Variants in SH3RF3 observed in about 807,000 individuals in gnomAD.
SH3RF3 encodes the protein E3 ubiquitin-protein ligase SH3RF3.
A neutral mutation model predicts 66.3 loss-of-function variants in SH3RF3; 29 were observed. The ratio of observed to expected loss-of-function variants is 0.44; its 90% CI spans 0.33 to 0.60. The LOEUF (loss-of-function observed/expected upper bound fraction) is 0.60, where lower values mean the gene tolerates loss of function less well. SH3RF3 is among the 20% of genes least tolerant of loss of function. The pLI is 0.04. For synonymous variants in SH3RF3, 583 were observed against 532.0 expected, an observed-to-expected ratio of 1.10 and a Z score of -1.32; for missense variants, 1,194 against 1,190.9, an observed-to-expected ratio of 1.00 and a Z score of -0.04.
At chr2:109,301,995 C>T (rs1289879483) in intron 1 of SH3RF3, among the ~76,000 whole-genome samples, 2 of 152,204 alleles carry the variant, frequency 1.3e-5, no homozygotes, top group Admixed American at 6.5e-5. Flanking sequence ...TCAGCATCTT[C>T]GTTGTGTGAC....
chr2:109,245,968 C>G (rs1348673154), intron 1 of SH3RF3, among the ~76,000 whole-genome samples: 1 of 152,194 alleles, frequency 6.6e-6, no homozygotes, highest in African/African-American at 2.4e-5. Context: ...ATGAAAGTCT[C>G]TAAGCTGGCT....
intron 5 of SH3RF3, among the ~76,000 whole-genome samples, chr2:109,423,272 G>A (rs1479596594): frequency 3.3e-5 from 5 of 152,150 alleles, no homozygotes; most frequent in Non-Finnish European, 7.4e-5. Flanking sequence ...CTGCTGAGGT[G>A]CAGACCAGGG....
At chr2:109,249,577 T>G (rs1558981645) in intron 1 of SH3RF3, among the ~76,000 whole-genome samples, 4 of 132,938 alleles carry the variant, frequency 3.0e-5, no homozygotes, top group African/African-American at 9.1e-5. Flanking sequence ...CCTTCCTTCC[T>G]TCCTTCCTTT....
rs79803272 is a variant in SH3RF3, at chr2:109,450,982, C to T, written c.2148+1493C>T. Among the ~76,000 whole-genome samples, 534 of 152,370 alleles carry T rather than the reference C, an allele frequency of 3.5e-3. 19 individuals are homozygous for T. In the East Asian group the frequency reaches 0.061, roughly 17 times the overall value. ...GACATTGCCAAACCCAGCGCTGACT[C>T]GGCGGGCTCTCTGCCCATCACCCTG... On this transcript the variant is annotated intron_variant, in intron 8 of 9. Transcript: ENST00000309415.
In SH3RF3 at chr2:109,129,943, C is replaced by T. The variant is rs772556146; in HGVS notation, c.403C>T (p.Pro135Ser). 1 of 1,472,744 alleles carries T rather than the reference C, an allele frequency of 6.8e-7. No homozygotes were observed. Among genetic ancestry groups the T allele is most frequent in the South Asian group, 1.3e-5 (1 of 75,418 alleles). 91.2% of individuals were successfully genotyped at this position (1,472,744 alleles called of 1,614,324 possible). The change falls in exon 1 of 10, where the codon CCG becomes TCG. Residue 135 changes from proline (P) to serine (S), a missense_variant. Pro to Ser is a moderately conservative substitution (Grantham distance 74). Coordinates refer to ENST00000309415, the MANE Select transcript of SH3RF3 (RefSeq NM_001099289.3). Reference sequence around the variant, plus strand: ...CGCGGGCACCAGCCCCGGCGGCAGCCCGCCCGCGCGTCCCATCCCAGGCCA... The same window carrying T: ...CGCGGGCACCAGCCCCGGCGGCAGCTCGCCCGCGCGTCCCATCCCAGGCCA... ...PRAGTSPGGSPPARPIPGQSA... is the reference protein window; with the variant it reads ...PRAGTSPGGSSPARPIPGQSA...
intron 1 of SH3RF3, among the ~76,000 whole-genome samples, chr2:109,180,726 C>G (rs1244925750): frequency 6.6e-6 from 1 of 152,186 alleles, no homozygotes; most frequent in Non-Finnish European, 1.5e-5. Context: ...CATTGTGAGG[C>G]TTCCCCAGCC....
At chr2:109,376,660 C>T (rs1330605612) in intron 3 of SH3RF3, among the ~76,000 whole-genome samples, 3 of 152,154 alleles carry the variant, frequency 2.0e-5, no homozygotes, top group Non-Finnish European at 2.9e-5. Flanking sequence ...TGAAAAAGAC[C>T]CCCCAGAGAT....
intron 8 of SH3RF3, among the ~76,000 whole-genome samples, chr2:109,480,148 A>G (rs185723426): frequency 2.3e-4 from 35 of 152,306 alleles, no homozygotes; most frequent in Non-Finnish European, 4.0e-4. Flanking sequence ...TTGCATATCA[A>G]CCACATTAAG....
chr2:109,138,766 CT>C (rs895988353), intron 1 of SH3RF3, among the ~76,000 whole-genome samples: 30 of 152,236 alleles, frequency 2.0e-4, no homozygotes, highest in African/African-American at 7.0e-4. Flanking sequence ...TGTGTGAGTG[CT>C]GCTCTTGAAG....
chr2:109,188,385 G>A (rs1173810896), intron 1 of SH3RF3, among the ~76,000 whole-genome samples: 1 of 152,200 alleles, frequency 6.6e-6, no homozygotes, highest in Non-Finnish European at 1.5e-5. Context: ...GGGTTGCATG[G>A]GAGGCTGCTG....
intron 6 of SH3RF3, among the ~76,000 whole-genome samples, chr2:109,433,834 C>G (rs13387368): frequency 0.061 from 9,364 of 152,274 alleles, 941 homozygotes; most frequent in African/African-American, 0.21. Context: ...AGGTGATGCT[C>G]AGCAGGGAAA....
chr2:109,447,181 AAAAAG>A (rs1233226361), intron 7 of SH3RF3, among the ~76,000 whole-genome samples: 4 of 151,430 alleles, frequency 2.6e-5, no homozygotes, highest in Non-Finnish European at 5.9e-5. Context: ...AAAGAAAAAG[AAAAAG>A]AAAACAGAAA....
chr2:109,288,370 A>C (rs1225520545), intron 1 of SH3RF3, among the ~76,000 whole-genome samples: 1 of 152,190 alleles, frequency 6.6e-6, no homozygotes, highest in East Asian at 1.9e-4. Context: ...GAACACTCAG[A>C]GGTATTCTCA....
intron 1 of SH3RF3, among the ~76,000 whole-genome samples, chr2:109,327,171 T>C (rs910369123): frequency 3.9e-5 from 6 of 152,366 alleles, no homozygotes; most frequent in African/African-American, 1.4e-4. Context: ...AAAAGTTTTA[T>C]AGTTTTGCTT....
intron 6 of SH3RF3, among the ~76,000 whole-genome samples, chr2:109,434,257 C>T (rs748664855): frequency 1.3e-5 from 2 of 152,202 alleles, no homozygotes; most frequent in Non-Finnish European, 2.9e-5. Flanking sequence ...GGGGACATCA[C>T]TCTGTCACAC....
chr2:109,415,398 G>T (rs553005165), intron 4 of SH3RF3, among the ~76,000 whole-genome samples: 1 of 152,180 alleles, frequency 6.6e-6, no homozygotes, highest in Non-Finnish European at 1.5e-5. Context: ...ATTGTTCCAG[G>T]GGGAGTGCTC....
intron 2 of SH3RF3, among the ~76,000 whole-genome samples, chr2:109,350,309 A>G (rs2105574385): frequency 6.6e-6 from 1 of 152,350 alleles, no homozygotes; most frequent in South Asian, 2.1e-4. Context: ...CGGGAGGCCC[A>G]GCATCTCCTG....
chr2:109,195,350 C>T lies in SH3RF3; in HGVS notation c.573+65237C>T, dbSNP rs573705032. ...GAGGGGTGACAGCCAGGACAAGGGG[C>T]AAGTGAGGAGCTGCTGCCAAGCTTC... On this transcript the variant is annotated intron_variant, in intron 1 of 9. Transcript: ENST00000309415. Among the ~76,000 whole-genome samples, 487 of 152,284 alleles carry T rather than the reference C, an allele frequency of 3.2e-3. 4 individuals are homozygous for T. Among genetic ancestry groups the T allele is most frequent in the African/African-American group, 0.011 (446 of 41,564 alleles).
intron 5 of SH3RF3, among the ~76,000 whole-genome samples, chr2:109,432,288 C>T (rs575341359): frequency 7.2e-5 from 11 of 152,294 alleles, no homozygotes; most frequent in African/African-American, 2.6e-4. Context: ...CCCCTGCAGG[C>T]AGCTCCCCGA....
Sources: allele counts gnomAD v4.1 joint callset (sites outside exome capture counted in the v4.1 genomes callset), GRCh38; gene constraint gnomAD v4.1.1; transcripts MANE v1.5; gene names NCBI Gene and HGNC (gene_info 2026-07-23, HGNC 2026-07-21).